ZNF18: variants seen among roughly 807,000 people sequenced by gnomAD.
ZNF18 encodes the protein heart development-specific gene 1 protein.
In ZNF18, 42 loss-of-function variants were observed where a neutral mutation model predicts 58.1. The ratio of observed to expected loss-of-function variants is 0.72; its 90% CI spans 0.56 to 0.93. ZNF18 has a LOEUF of 0.93. ZNF18 is among the 40% of genes least tolerant of loss of function. The pLI, the probability that ZNF18 is intolerant of heterozygous loss-of-function variation, is 0.00. For missense variants in ZNF18, 540 were observed against 644.2 expected (o/e 0.84, Z 1.75); for synonymous variants, 231 against 239.8 (o/e 0.96, Z 0.34).
chr17:11,991,673 A>T (rs182172174), intron 2 of ZNF18, among the ~76,000 whole-genome samples: 18 of 151,972 alleles, frequency 1.2e-4, no homozygotes, highest in African/African-American at 4.4e-4. Flanking sequence ...GTGAAAGAAG[A>T]GTCTTTGTTA....
intron 4 of ZNF18, among the ~76,000 whole-genome samples, chr17:11,988,195 A>G (rs1967875060): frequency 6.6e-6 from 1 of 152,238 alleles, no homozygotes; most frequent in South Asian, 2.1e-4. Flanking sequence ...TTCTGCCTGA[A>G]ACAACTAAAA....
the ZNF18 span, among the ~76,000 whole-genome samples, chr17:12,007,427 G>T: frequency 6.6e-6 from 1 of 152,102 alleles, no homozygotes; most frequent in East Asian, 1.9e-4. Context: ...TTCTTCTTCG[G>T]TCCTCCTAAA....
chr17:12,004,162 T>C, the ZNF18 span, among the ~76,000 whole-genome samples: 3 of 151,188 alleles, frequency 2.0e-5, no homozygotes, highest in Non-Finnish European at 4.4e-5. Context: ...ACCCGGGAGA[T>C]GGACGTTGCA....
At chr17:11,987,732 A>C (rs981341040) in intron 4 of ZNF18, among the ~76,000 whole-genome samples, 3 of 152,196 alleles carry the variant, frequency 2.0e-5, no homozygotes, top group African/African-American at 7.2e-5. Flanking sequence ...AGAACACCCA[A>C]ATCTTTTTCA....
chr17:11,985,632 C>A (rs539934658), intron 4 of ZNF18, among the ~76,000 whole-genome samples: 3 of 152,154 alleles, frequency 2.0e-5, no homozygotes, highest in Non-Finnish European at 4.4e-5. Flanking sequence ...AATGTAAGCT[C>A]CATGAGAAAA....
At chr17:12,010,950 A>C in the ZNF18 span, 1 of 684,800 alleles carries the variant, frequency 1.5e-6, no homozygotes, top group Non-Finnish European at 2.7e-6. Context: ...TGCCCAATAC[A>C]CACATTAATT....
the ZNF18 span, chr17:12,021,062 G>A: frequency 9.6e-7 from 1 of 1,038,000 alleles, no homozygotes. Context: ...CGTCGTCGCG[G>A]CCTGCCCCAG....
In ZNF18 at chr17:11,978,230, C is replaced by T. The variant is rs777293721; in HGVS notation, c.1377G>A (p.Thr459=). 96 of 1,613,620 alleles carry T rather than the reference C, an allele frequency of 5.9e-5. 3 individuals carry two copies. In the South Asian group the frequency reaches 9.3e-4, roughly 16 times the overall value. ...SDFVKHQRTH[T]GEKPCKCDYC... ...AATCACATTTACAGGGCTTCTCTCC[C>T]GTGTGAGTTCTCTGATGCTTCACAA... Residue 459 remains threonine (T), a synonymous_variant, in exon 7 of 7, where the codon ACG becomes ACA. Transcript: ENST00000580306.
the ZNF18 span, among the ~76,000 whole-genome samples, chr17:12,015,576 C>T: frequency 1.3e-5 from 2 of 152,146 alleles, no homozygotes; most frequent in South Asian, 2.1e-4. Flanking sequence ...AAATTTCAGA[C>T]ACACAGTGGA....
chr17:12,005,143 G>A, the ZNF18 span, among the ~76,000 whole-genome samples: 1 of 150,006 alleles, frequency 6.7e-6, no homozygotes, highest in Admixed American at 6.7e-5. Flanking sequence ...TATGGACTCA[G>A]AAGTTATATA....
chr17:12,020,648 C>A, the ZNF18 span, among the ~76,000 whole-genome samples: 1 of 152,108 alleles, frequency 6.6e-6, no homozygotes, highest in Non-Finnish European at 1.5e-5. Flanking sequence ...GGGCCCGCAG[C>A]CCTGGTCCAA....
At chr17:11,998,286 G>A (rs1968586447), upstream of ZNF18, 2 of 151,918 alleles carry the variant, frequency 1.3e-5, no homozygotes, top group Non-Finnish European at 2.9e-5. Flanking sequence ...AGGCCATCCT[G>A]TGCTGGGCCA....
In ZNF18 at chr17:11,990,466, G is replaced by T; in HGVS notation, c.662C>A (p.Pro221His). The change falls in exon 4 of 7, where the codon CCT becomes CAT. Residue 221 changes from proline (P) to histidine (H), a missense_variant. Physicochemically the swap from Pro to His is moderately conservative, Grantham distance 77 (BLOSUM62 -2). Transcript: ENST00000580306. ...CGCTTTTGTACGTCAGCTCACCTGAGGTGCTGCTGGGAGCAGTGAGGCTCC... is the reference window on the plus strand; with the variant it reads ...CGCTTTTGTACGTCAGCTCACCTGATGTGCTGCTGGGAGCAGTGAGGCTCC... ...DLGASLLPAA[P>H]QEQWRQLDST... 6.2e-7 allele frequency: 1 copy of T among 1,612,380 alleles called. No individual in the cohort carries two copies.
chr17:11,985,652 C>T (rs1967688353), intron 4 of ZNF18, among the ~76,000 whole-genome samples: 1 of 152,200 alleles, frequency 6.6e-6, no homozygotes, highest in Non-Finnish European at 1.5e-5. Flanking sequence ...AGGACTCTGT[C>T]ATCCTCTCCA....
At chr17:11,983,596 G>A (rs1345735228) in intron 5 of ZNF18, among the ~76,000 whole-genome samples, 189 bp from the exon 6 acceptor site, 1 of 152,138 alleles carries the variant, frequency 6.6e-6, no homozygotes, top group Admixed American at 6.6e-5. Context: ...CTTGACAGAT[G>A]GTAAAGGCCA....
At chr17:11,994,448 C>T (rs144191502) in intron 1 of ZNF18, among the ~76,000 whole-genome samples, 1 of 152,286 alleles carries the variant, frequency 6.6e-6, no homozygotes, top group African/African-American at 2.4e-5. Context: ...AAAAGCTTAG[C>T]AGTCTATTGA....
At chr17:12,009,890 C>G in the ZNF18 span, among the ~76,000 whole-genome samples, 4 of 152,148 alleles carry the variant, frequency 2.6e-5, no homozygotes, top group Admixed American at 2.6e-4. Context: ...TCCTAGAATT[C>G]CAACATACAG....
At position 11,991,415 on chromosome 17, in the gene ZNF18, G is replaced by A. The variant is rs575599527; in HGVS notation, c.388-252C>T. ...ACTAACGTGCTTCTACTGGATATGC[G>A]CCACCAATGAAAACTCAGGCATCTT... On this transcript the variant is annotated intron_variant, in intron 2 of 6. Coordinates refer to ENST00000580306, the MANE Select transcript of ZNF18 (RefSeq NM_001303281.2). Among the ~76,000 whole-genome samples the A allele has an allele frequency of 2.2e-3, 328 of 152,286 alleles. 2 individuals are homozygous for A. Among genetic ancestry groups the A allele is most frequent in the African/African-American group, 7.2e-3 (301 of 41,538 alleles).
rs371862713 is a variant in ZNF18 at position 11,977,926 on chromosome 17, T to C, written c.*31A>G. 1.4e-4 allele frequency: 212 copies of C among 1,530,492 alleles called. No individual in the cohort carries two copies. The South Asian group carries it at 2.0e-3, about 14-fold the overall frequency. The allele number at this position is 1,530,492 out of a possible 1,614,324, so 94.8% of individuals were successfully genotyped here. On this transcript the variant is annotated 3_prime_UTR_variant, in exon 7 of 7. Coordinates refer to ENST00000580306, the MANE Select transcript of ZNF18 (RefSeq NM_001303281.2). ...GTATTTTTGTGACTGGGCTGGGAGA[T>C]AGAAATGGGGAAAGAGAGTTTGGTT...
Sources: gnomAD v4.1 joint callset for allele counts (sites outside exome capture counted in the v4.1 genomes callset) on GRCh38, gnomAD v4.1.1 for gene constraint, MANE v1.5 for transcripts, NCBI Gene and HGNC (gene_info 2026-07-23, HGNC 2026-07-21) for gene names.